PAX2: variants seen among roughly 807,000 people sequenced by gnomAD.
The protein encoded by PAX2 is paired box 2.
PAX2 carries 9 observed loss-of-function variants against 41.7 expected under a neutral mutation model. That is an observed-to-expected ratio of 0.22 (90% CI 0.13 to 0.38). The LOEUF is 0.38. PAX2 is among the 10% of genes least tolerant of loss of function. PAX2 has a pLI of 1.00. For missense variants in PAX2, 418 were observed against 531.6 expected (o/e 0.79, Z 2.10); for synonymous variants, 221 against 212.7 (o/e 1.04, Z -0.34).
chr10:100,790,276 G>A (rs919285691), intron 5 of PAX2, among the ~76,000 whole-genome samples: 19 of 152,280 alleles, frequency 1.2e-4, no homozygotes, highest in Middle Eastern at 3.4e-3. Context: ...TCCATCCACC[G>A]CTGGAAATTG....
chr10:100,823,550 A>G (rs2133982376), intron 7 of PAX2, among the ~76,000 whole-genome samples: 1 of 152,306 alleles, frequency 6.6e-6, no homozygotes, highest in Non-Finnish European at 1.5e-5. Flanking sequence ...TAGTTCTGTT[A>G]CTTTCTCCAG....
rs199519912 is a variant in PAX2 at position 100,814,131 on chromosome 10, G to A, written c.919+4895G>A. Among the ~76,000 whole-genome samples, 22 of 151,586 alleles carry A rather than the reference G, an allele frequency of 1.5e-4. No homozygotes were observed. The East Asian group carries it at 4.3e-3, about 29-fold the overall frequency. On this transcript the variant is annotated intron_variant, in intron 7 of 9. Transcript: ENST00000355243. ...TGGGAGGCCGAGGCAGGCGGATCACGAGGTCAGGAGATCAAGACCATCCTG... is the reference window on the plus strand; with the variant it reads ...TGGGAGGCCGAGGCAGGCGGATCACAAGGTCAGGAGATCAAGACCATCCTG...
intron 1 of PAX2, among the ~76,000 whole-genome samples, chr10:100,739,030 C>CACACACAA (rs1333065536): frequency 6.6e-6 from 1 of 151,068 alleles, no homozygotes; most frequent in East Asian, 2.0e-4. Flanking sequence ...CACACACACA[C>CACACACAA]ACACACACAC....
At chr10:100,766,005 A>T (rs1188179020) in intron 3 of PAX2, among the ~76,000 whole-genome samples, 1 of 152,172 alleles carries the variant, frequency 6.6e-6, no homozygotes, top group East Asian at 1.9e-4. Context: ...TTCATGCATT[A>T]ATTGATTTAA....
chr10:100,788,790 C>T (rs868497701), intron 5 of PAX2, among the ~76,000 whole-genome samples: 3 of 152,042 alleles, frequency 2.0e-5, no homozygotes, highest in African/African-American at 7.2e-5. Context: ...GGCGAGGTTG[C>T]ACCATATTGG....
intron 1 of PAX2, among the ~76,000 whole-genome samples, chr10:100,737,864 G>A (rs193207573): frequency 6.6e-6 from 1 of 152,332 alleles, no homozygotes; most frequent in African/African-American, 2.4e-5. Context: ...CCGCAGCCGG[G>A]TTTGCGAAGG....
chr10:100,754,789 A>G (rs1236431132), intron 3 of PAX2, among the ~76,000 whole-genome samples: 2 of 152,202 alleles, frequency 1.3e-5, no homozygotes, highest in African/African-American at 4.8e-5. Flanking sequence ...GTTCCAGAAC[A>G]TTGCCTATTC....
At chr10:100,794,037 A>G (rs1847234792) in intron 5 of PAX2, among the ~76,000 whole-genome samples, 2 of 152,134 alleles carry the variant, frequency 1.3e-5, no homozygotes, top group Admixed American at 1.3e-4. Flanking sequence ...GGAGCCTGGG[A>G]GTGGCTGAGA....
At chr10:100,777,097 A>ATTTTT (rs532321832) in intron 3 of PAX2, among the ~76,000 whole-genome samples, 2 of 122,372 alleles carry the variant, frequency 1.6e-5, no homozygotes, top group Non-Finnish European at 1.7e-5. Flanking sequence ...TGGTACTGTG[A>ATTTTT]TTTTTTTTTT....
At chr10:100,781,162 T>A (rs1846605253) in intron 4 of PAX2, 84 bp from the exon 5 acceptor site, 9 of 1,378,504 alleles carry the variant, frequency 6.5e-6, no homozygotes, top group Non-Finnish European at 8.3e-6. Context: ...TGCTTCTCTC[T>A]GCCCCCCAGC....
rs1484739014 is a variant in PAX2, at chr10:100,828,800, A to G, written c.*1181A>G. 1 of 232,610 alleles carries G rather than the reference A, an allele frequency of 4.3e-6. No individual in the cohort carries two copies. Among genetic ancestry groups the G allele is most frequent in the Non-Finnish European group, 8.5e-6 (1 of 117,494 alleles). The allele number at this position is 232,610 out of a possible 1,614,324, so 14.4% of individuals were successfully genotyped here. A position where few individuals can be genotyped will look rare whatever the true frequency, so the allele number is the denominator to read the frequency against. On this transcript the variant is annotated 3_prime_UTR_variant, in exon 10 of 10. Transcript: ENST00000355243. The surrounding 1 kb of genome is among the most constrained non-coding windows in gnomAD (Gnocchi z 6.5). The stretch of plus-strand genomic sequence containing the variant: ...ACCACAAAAAGTCTACATTTATTTA[A>G]TATGATGGTCTTTGCAAAAAGGAAC...
chr10:100,774,445 G>A (rs768510638), intron 3 of PAX2, among the ~76,000 whole-genome samples: 3 of 151,916 alleles, frequency 2.0e-5, no homozygotes, highest in African/African-American at 7.3e-5. Flanking sequence ...AGAGTCTGAC[G>A]CAACCTCCTT....
At chr10:100,789,446 T>C (rs1239429828) in intron 5 of PAX2, among the ~76,000 whole-genome samples, 1 of 152,236 alleles carries the variant, frequency 6.6e-6, no homozygotes, top group Non-Finnish European at 1.5e-5. Context: ...CTGTGGATTA[T>C]TGGTGGGATT....
chr10:100,738,717 C>T (rs1844852230), intron 1 of PAX2, among the ~76,000 whole-genome samples: 1 of 152,194 alleles, frequency 6.6e-6, no homozygotes, highest in African/African-American at 2.4e-5. Context: ...TTCTTTCCAA[C>T]ATTTACCTTG....
rs758378295 is a variant in PAX2, at chr10:100,826,834, C to A, written c.1022-175C>A. ...CCCGCCTCCCCGGGCTCTCTCCACG[C>A]GGACGCGGTGATCGCCCCACCTCCG... On this transcript the variant is annotated intron_variant, in intron 8 of 9. Coordinates refer to ENST00000355243, the MANE Select transcript of PAX2 (RefSeq NM_000278.5). This position sits in a 1 kb window ranked among gnomAD's most constrained non-coding sequence, Gnocchi z 5.5. 1.3e-5 allele frequency among the ~76,000 whole-genome samples: 2 copies of A among 152,160 alleles called. No individual in the cohort carries two copies. The highest frequency in any genetic ancestry group is 1.3e-4 in the Admixed American group (2 of 15,278).
intron 3 of PAX2, among the ~76,000 whole-genome samples, chr10:100,773,168 A>C (rs536065356): frequency 2.0e-5 from 3 of 152,364 alleles, no homozygotes; most frequent in Admixed American, 2.0e-4. Context: ...AGCAAGTTGT[A>C]ATAAGCCTTA....
At chr10:100,743,503 A>G (rs1407385680), upstream of PAX2, among the ~76,000 whole-genome samples, 2 of 152,160 alleles carry the variant, frequency 1.3e-5, no homozygotes, top group East Asian at 3.9e-4. Context: ...ACCAACTTGG[A>G]GAGACCTGGG....
Position 100,824,010 on chromosome 10 carries a change from AG to A in PAX2, c.920-635del, listed in dbSNP as rs991414194. Among the ~76,000 whole-genome samples, 1 of 152,168 alleles carries A rather than the reference AG, an allele frequency of 6.6e-6. No individual in the cohort carries two copies. The highest frequency in any genetic ancestry group is 2.4e-5 in the African/African-American group (1 of 41,428). The stretch of plus-strand genomic sequence containing the variant: ...TGGCTCAAAGCTCCTGATTCACTTC[AG>A]GGTGGTTTTCTATCATGTAAATGCC... On this transcript the variant is annotated intron_variant, in intron 7 of 9. Coordinates refer to ENST00000355243, the MANE Select transcript of PAX2 (RefSeq NM_000278.5). The surrounding 1 kb of genome is among the most constrained non-coding windows in gnomAD (Gnocchi z 6.6).
chr10:100,794,797 C>T (rs773079784), intron 5 of PAX2, among the ~76,000 whole-genome samples: 13 of 152,178 alleles, frequency 8.5e-5, no homozygotes, highest in Admixed American at 6.5e-4. Flanking sequence ...ACTAAAACCT[C>T]GAGATCTTTT....
Sources: gnomAD v4.1 joint callset for allele counts (sites outside exome capture counted in the v4.1 genomes callset) on GRCh38, gnomAD v4.1.1 for gene constraint, Gnocchi (gnomAD v3.1) non-coding constraint, MANE v1.5 for transcripts, NCBI Gene and HGNC (gene_info 2026-07-23, HGNC 2026-07-21) for gene names.